The following KRT26 variants were observed in gnomAD, a reference collection of about 807,000 sequenced individuals.
KRT26 encodes the protein keratin 26, also known as keratin, type I cytoskeletal 26.
A neutral mutation model predicts 46.1 loss-of-function variants in KRT26; 45 were observed. The ratio of observed to expected loss-of-function variants is 0.98; its 90% CI spans 0.77 to 1.25. KRT26 has a LOEUF of 1.25. Ranked by LOEUF, KRT26 falls within the 50% of genes most tolerant of loss-of-function variation. The probability of loss-of-function intolerance (pLI) is 0.00; values close to 1 mark genes in which losing one functional copy is unlikely to be tolerated. For synonymous variants in KRT26, 191 were observed against 209.9 expected (o/e 0.91, Z 0.78); for missense variants, 582 against 560.1 (o/e 1.04, Z -0.39).
chr17:40,770,777 C>A (rs1404324189), intron 2 of KRT26, among the ~76,000 whole-genome samples: 1 of 152,180 alleles, frequency 6.6e-6, no homozygotes, highest in East Asian at 1.9e-4. Flanking sequence ...CTCCACCTTC[C>A]GGGTTCAAGT....
exon 4 of KRT26, chr17:40,770,084 C>T: frequency 6.2e-7 from 1 of 1,614,172 alleles, no homozygotes; most frequent in Non-Finnish European, 8.5e-7. Context: ...TCTCCACGTT[C>T]ACGTTCCCCC....
exon 5 of KRT26, chr17:40,769,863 T>C (rs199874685): frequency 6.2e-7 from 1 of 1,614,194 alleles, no homozygotes; most frequent in Admixed American, 1.7e-5. Context: ...GGAAATCTGT[T>C]GTTGCAGCGT....
chr17:40,770,378 C>G, exon 3 of KRT26: 1 of 1,609,580 alleles, frequency 6.2e-7, no homozygotes, highest in Non-Finnish European at 8.5e-7. Context: ...TCGGCCTCAA[C>G]ACTGTGGTGC....
chr17:40,769,793 C>T (rs1452198977), exon 5 of KRT26: 1 of 1,614,032 alleles, frequency 6.2e-7, no homozygotes, highest in Non-Finnish European at 8.5e-7. Context: ...CCAGGGTTTG[C>T]AGATTGCGTT....
At chr17:40,767,947 A>T (rs1182579961) in intron 6 of KRT26, among the ~76,000 whole-genome samples, 2 of 152,240 alleles carry the variant, frequency 1.3e-5, no homozygotes, top group African/African-American at 4.8e-5. Flanking sequence ...TGGAGTGCCT[A>T]CCATGAAAAA....
Position 40,769,914 on chromosome 17 carries a change from C to A in KRT26, c.844-35G>T, listed in dbSNP as rs1292427316. 3.7e-6 allele frequency: 6 copies of A among 1,614,012 alleles called. No individual in the cohort carries two copies. In the African/African-American group the frequency reaches 8.0e-5, roughly 22 times the overall value. On this transcript the variant is annotated intron_variant, in intron 4 of 7. Transcript: ENST00000335552. ...AATTGTCGAAAGGGTTAGTGACTGGCCTGATTGTCTCCTGAGCAAGCCCTT... is the reference window on the plus strand; with the variant it reads ...AATTGTCGAAAGGGTTAGTGACTGGACTGATTGTCTCCTGAGCAAGCCCTT...
chr17:40,767,703 G>T, intron 6 of KRT26, 50 bp from the exon 7 acceptor site: 1 of 964,510 alleles, frequency 1.0e-6, no homozygotes, highest in Non-Finnish European at 1.6e-6. Context: ...TCCTTAGTGA[G>T]CTTATAAATA....
chr17:40,771,950 C>T, exon 1 of KRT26: 5 of 1,614,226 alleles, frequency 3.1e-6, no homozygotes, highest in Non-Finnish European at 4.2e-6. Context: ...ATTGCAGAAG[C>T]TTCCTCCAGA....
rs199810896 is a variant in KRT26, at chr17:40,769,740, C to A, written c.969+14G>T. 3.7e-6 allele frequency: 6 copies of A among 1,613,900 alleles called. No homozygotes were observed. The highest frequency in any genetic ancestry group is 5.1e-6 in the Non-Finnish European group (6 of 1,179,846). ...TTCACACATATATTCAATTCAATGG[C>A]GATTCCTACGTACCACAGCCATGAG... On this transcript the variant is annotated intron_variant, in intron 5 of 7. Transcript: ENST00000335552.
rs772081382 is a variant in KRT26 at position 40,770,268 on chromosome 17, T to C, written c.666A>G (p.Lys222=). The stretch of plus-strand genomic sequence containing the variant: ...GCTTCCTTACCTCCTCATGACTTTT[T>C]TTGAGGTAGGTCAATTCCTCACTGA... The change falls in exon 3 of 8, where the codon AAA becomes AAG. Residue 222 remains lysine, a synonymous_variant. Transcript: ENST00000335552. 9.9e-6 allele frequency: 16 copies of C among 1,614,106 alleles called. No individual in the cohort carries two copies. In the South Asian group the frequency reaches 1.6e-4, roughly 17 times the overall value.
rs1567675203 is a variant in KRT26 at position 40,771,734 on chromosome 17, G to A, written c.380C>T (p.Ser127Phe). ...GCTATAGTCATGATCGTGTTCCCGGGAAGAGCCAGGCTCACATTTCTCGTA... is the reference window on the plus strand; with the variant it reads ...GCTATAGTCATGATCGTGTTCCCGGAAAGAGCCAGGCTCACATTTCTCGTA... Residue 127 changes from serine (S) to phenylalanine (F), a missense_variant, in exon 1 of 8, where the codon TCC becomes TTC. By Grantham distance (155) the Ser-to-Phe change is radical (BLOSUM62 -2). Coordinates refer to ENST00000335552, the Ensembl canonical transcript of KRT26. 2 of 1,614,168 alleles carry A rather than the reference G, an allele frequency of 1.2e-6. No homozygotes were observed. The highest frequency in any genetic ancestry group is 1.3e-5 in the African/African-American group (1 of 75,022).
chr17:40,772,004 G>C (rs62621360), exon 1 of KRT26: 57 of 1,613,950 alleles, frequency 3.5e-5, no homozygotes, highest in Non-Finnish European at 4.4e-5. Context: ...TCTTGCTCCC[G>C]ATCCAACACA....
chr17:40,769,886 T>G lies in KRT26; in HGVS notation c.844-7A>C. ...GTTGTTGCAGCGTTGCACTCTGAAG[T>G]GTAATTGTCGAAAGGGTTAGTGACT... On this transcript the variant is annotated splice_polypyrimidine_tract_variant and splice_region_variant and intron_variant, in intron 4 of 7. Coordinates refer to ENST00000335552, the Ensembl canonical transcript of KRT26. 6.2e-7 allele frequency: 1 copy of G among 1,614,100 alleles called. No individual in the cohort carries two copies.
At chr17:40,771,532 G>T (rs1234465330) in intron 1 of KRT26, 141 bp downstream of exon 1, 4 of 703,482 alleles carry the variant, frequency 5.7e-6, no homozygotes, top group African/African-American at 5.4e-5. Context: ...TTTATTGCCA[G>T]GTACTGTGCT....
chr17:40,769,113 G>C lies in KRT26; in HGVS notation c.970-17C>G. 1 of 1,543,828 alleles carries C rather than the reference G, an allele frequency of 6.5e-7. No individual in the cohort carries two copies. Among genetic ancestry groups the C allele is most frequent in the Non-Finnish European group, 8.9e-7 (1 of 1,117,436 alleles). ...GGAATGTTTCTGAAAGAAAAGCAAAGTGAAGCTTGAATGTGTAAAAGAGAA... is the reference window on the plus strand; with the variant it reads ...GGAATGTTTCTGAAAGAAAAGCAAACTGAAGCTTGAATGTGTAAAAGAGAA... On this transcript the variant is annotated splice_polypyrimidine_tract_variant and intron_variant, in intron 5 of 7. Transcript: ENST00000335552.
In KRT26 at chr17:40,770,236, T is replaced by G. The variant is rs1223308813; in HGVS notation, c.681+17A>C. 1 of 1,613,902 alleles carries G rather than the reference T, an allele frequency of 6.2e-7. No individual in the cohort carries two copies. Among genetic ancestry groups the G allele is most frequent in the Non-Finnish European group, 8.5e-7 (1 of 1,179,752 alleles). Reference sequence around the variant, plus strand: ...GAAATTAGAAACTGTATGAAGCCACTCTGCAGGCTTCCTTACCTCCTCATG... The same window carrying G: ...GAAATTAGAAACTGTATGAAGCCACGCTGCAGGCTTCCTTACCTCCTCATG... On this transcript the variant is annotated intron_variant, in intron 3 of 7. Transcript: ENST00000335552.
chr17:40,770,465 A>G lies in KRT26; in HGVS notation c.525-56T>C, dbSNP rs1025972497. The G allele has an allele frequency of 1.1e-5, 16 of 1,404,742 alleles. No homozygotes were observed. In the African/African-American group the frequency reaches 1.7e-4, roughly 15 times the overall value. The allele number at this position is 1,404,742 out of a possible 1,614,324, so 87.0% of individuals were successfully genotyped here. Reference sequence around the variant, plus strand: ...TCATCGTAGGCAGGTGCAAAGCACAACTTTTTAAGGTATTTCATATGCTGA... The same window carrying G: ...TCATCGTAGGCAGGTGCAAAGCACAGCTTTTTAAGGTATTTCATATGCTGA... On this transcript the variant is annotated intron_variant, in intron 2 of 7. Transcript: ENST00000335552.
At chr17:40,766,808 C>T (rs529971518) in intron 7 of KRT26, 142 bp from the exon 8 acceptor site, 179 of 571,782 alleles carry the variant, frequency 3.1e-4, no homozygotes, top group Middle Eastern at 9.5e-4. Flanking sequence ...GGCATGATCT[C>T]GGCTCACTGC....
chr17:40,766,470 C>T (rs767583681), exon 8 of KRT26: 145 of 1,325,420 alleles, frequency 1.1e-4, no homozygotes, highest in Admixed American at 1.4e-4. Flanking sequence ...CTTTCTTTCT[C>T]TCTCTCTCTC....
Sources: gnomAD v4.1 joint callset for allele counts (sites outside exome capture counted in the v4.1 genomes callset) on GRCh38, gnomAD v4.1.1 for gene constraint, MANE v1.5 for transcripts, NCBI Gene and HGNC (gene_info 2026-07-23, HGNC 2026-07-21) for gene names.